Variants in BCL7C observed in about 807,000 individuals in gnomAD.
The protein encoded by BCL7C is B-cell CLL/lymphoma 7 protein family member C.
A neutral mutation model predicts 26.2 loss-of-function variants in BCL7C; 8 were observed. The observed-to-expected ratio is 0.30, with a 90% CI of 0.18 to 0.55. BCL7C has a LOEUF of 0.55. Ranked by LOEUF, BCL7C falls within the 20% of genes least tolerant of loss-of-function variation. BCL7C has a pLI of 0.93. For synonymous variants in BCL7C, 90 were observed against 116.5 expected (o/e 0.77, Z 1.47); for missense variants, 262 against 298.5 (o/e 0.88, Z 0.90).
intron 5 of BCL7C, among the ~76,000 whole-genome samples, chr16:30,862,061 A>G (rs2054779809): frequency 1.3e-5 from 2 of 151,636 alleles, no homozygotes; most frequent in Admixed American, 6.6e-5. Flanking sequence ...TGTGGTCTCA[A>G]TCTCCAACCT....
chr16:30,853,658 T>C (rs1244426172), intron 5 of BCL7C, among the ~76,000 whole-genome samples: 1 of 152,218 alleles, frequency 6.6e-6, no homozygotes, highest in Non-Finnish European at 1.5e-5. Context: ...TTAAGGAGTT[T>C]GTTGAGGTCT....
chr16:30,876,035 T>C (rs1463783959), intron 5 of BCL7C: 1 of 152,358 alleles, frequency 6.6e-6, no homozygotes, highest in Non-Finnish European at 1.5e-5. Flanking sequence ...CACAGCTGCC[T>C]GGCTGCCTGG....
chr16:30,850,814 G>A (rs4889614), intron 5 of BCL7C, among the ~76,000 whole-genome samples: 111,621 of 152,078 alleles, frequency 0.73, 41,476 homozygotes, highest in East Asian at 0.91. Flanking sequence ...GTGAAGGCCT[G>A]GGACATTATG....
chr16:30,854,500 G>C (rs765802599), intron 5 of BCL7C, among the ~76,000 whole-genome samples: 1 of 152,060 alleles, frequency 6.6e-6, no homozygotes, highest in Non-Finnish European at 1.5e-5. Context: ...CTGTTATCCT[G>C]TTCTTCAAAG....
At position 30,893,906 on chromosome 16, in the gene BCL7C, C is replaced by T. The variant is rs770512781; in HGVS notation, c.39G>A (p.Arg13=). 4 of 1,600,836 alleles carry T rather than the reference C, an allele frequency of 2.5e-6. No individual in the cohort carries two copies. The African/African-American group carries it at 4.0e-5, about 16-fold the overall frequency. The change falls in exon 1 of 6, where the codon CGG becomes CGA. Residue 13 remains arginine (R), a synonymous_variant. Transcript: ENST00000215115. This position sits in a 1 kb window ranked among gnomAD's most constrained non-coding sequence, Gnocchi z 5.2. ...GRTVRAETRS[R]AKDDIKKVMA... is the part of the protein sequence containing the mutation. ...TCACCTTCTTGATGTCATCCTTGGC[C>T]CGGCTCCGGGTCTCGGCCCGTACAG...
At chr16:30,848,073 G>A (rs929077135) in intron 5 of BCL7C, among the ~76,000 whole-genome samples, 1 of 152,016 alleles carries the variant, frequency 6.6e-6, no homozygotes, top group Non-Finnish European at 1.5e-5. Flanking sequence ...ACCTGAATTT[G>A]GCTGTAAGAG....
At chr16:30,861,100 CTT>C (rs1179505800) in intron 5 of BCL7C, among the ~76,000 whole-genome samples, 1 of 152,128 alleles carries the variant, frequency 6.6e-6, no homozygotes, top group Non-Finnish European at 1.5e-5. Context: ...CGTTTAGGCT[CTT>C]TTTCATTAAA....
rs369717791 is a variant in BCL7C at position 30,891,111 on chromosome 16, G to C, written c.442+1475C>G. Among the ~76,000 whole-genome samples the C allele has an allele frequency of 8.6e-5, 13 of 150,986 alleles. No homozygotes were observed. The East Asian group carries it at 1.9e-3, about 23-fold the overall frequency. ...TTGAACCTGGGAGGCAGAGTTTGCA[G>C]TGAGCCAAGATCGTACCACTGCTCT... On this transcript the variant is annotated intron_variant, in intron 4 of 5. Coordinates refer to ENST00000215115, the MANE Select transcript of BCL7C (RefSeq NM_004765.4).
intron 4 of BCL7C, among the ~76,000 whole-genome samples, chr16:30,889,925 CAAAA>C (rs1182126462): frequency 9.4e-5 from 5 of 53,258 alleles, no homozygotes; most frequent in Admixed American, 4.4e-4. Context: ...GACCTTGTCT[CAAAA>C]AAAAAAAAAA....
intron 5 of BCL7C, among the ~76,000 whole-genome samples, chr16:30,854,633 A>G (rs2054703468): frequency 6.6e-6 from 1 of 151,946 alleles, no homozygotes; most frequent in South Asian, 2.1e-4. Context: ...TTCCTGCACA[A>G]TCAGCTTATC....
At chr16:30,876,796 C>T (rs559328305) in intron 5 of BCL7C, among the ~76,000 whole-genome samples, 2 of 152,212 alleles carry the variant, frequency 1.3e-5, no homozygotes, top group South Asian at 4.2e-4. Flanking sequence ...AAGTTCTATG[C>T]ATGAGTTGGA....
At position 30,856,078 on chromosome 16, in the gene BCL7C, AAAG is replaced by A. The variant is rs1256832964; in HGVS notation, c.529-20933_529-20931del. On this transcript the variant is annotated intron_variant, in intron 5 of 5. Coordinates refer to the BCL7C transcript ENST00000380317. ...CTCCATCTAAAAAAAAAAAAAAAAA[AAAG>A]AAGAAAGTTATAAATAAAACTTTCT... is the stretch of plus-strand genomic sequence containing the variant. Among the ~76,000 whole-genome samples, 3 of 151,416 alleles carry A rather than the reference AAAG, an allele frequency of 2.0e-5. No homozygotes were observed. The South Asian group carries it at 6.3e-4, about 32-fold the overall frequency.
intron 4 of BCL7C, among the ~76,000 whole-genome samples, chr16:30,891,168 CA>C (rs147478982): frequency 3.4e-3 from 291 of 84,666 alleles, no homozygotes; most frequent in Admixed American, 6.8e-3. Context: ...GACTTCATCT[CA>C]AAAAAAAAAA....
At chr16:30,888,498 G>A (rs1416563366) in intron 5 of BCL7C, among the ~76,000 whole-genome samples, 1 of 151,658 alleles carries the variant, frequency 6.6e-6, no homozygotes. Context: ...CACCACGCCC[G>A]GCTAATTTTT....
intron 5 of BCL7C, among the ~76,000 whole-genome samples, chr16:30,855,388 G>A (rs2054711196): frequency 6.6e-6 from 1 of 151,914 alleles, no homozygotes; most frequent in Non-Finnish European, 1.5e-5. Flanking sequence ...ACAGGCGTGT[G>A]CCCACCACCA....
intron 5 of BCL7C, among the ~76,000 whole-genome samples, chr16:30,837,505 G>A (rs532964073): frequency 1.3e-5 from 2 of 151,920 alleles, no homozygotes; most frequent in South Asian, 2.1e-4. Flanking sequence ...CCACCACCAC[G>A]CCCAGCTAAT....
chr16:30,876,227 T>TG (rs931673904), intron 5 of BCL7C: 6 of 152,152 alleles, frequency 3.9e-5, no homozygotes, highest in South Asian at 2.1e-4. Flanking sequence ...AGTTAACTAA[T>TG]GGGGGGGATT....
At chr16:30,863,372 C>T (rs1284421152) in intron 5 of BCL7C, among the ~76,000 whole-genome samples, 3 of 152,186 alleles carry the variant, frequency 2.0e-5, no homozygotes, top group African/African-American at 7.2e-5. Context: ...TATACTGACT[C>T]TAAATATGCC....
chr16:30,842,507 C>T (rs1596810907), intron 5 of BCL7C, among the ~76,000 whole-genome samples: 1 of 152,202 alleles, frequency 6.6e-6, no homozygotes, highest in Non-Finnish European at 1.5e-5. Flanking sequence ...AGAAAAGTTA[C>T]AGCCCATCTA....
Sources: gnomAD v4.1 joint callset for allele counts (sites outside exome capture counted in the v4.1 genomes callset) on GRCh38, gnomAD v4.1.1 for gene constraint, Gnocchi (gnomAD v3.1) non-coding constraint, MANE v1.5 for transcripts, NCBI Gene and HGNC (gene_info 2026-07-23, HGNC 2026-07-21) for gene names.